The following TLE6 variants were observed in gnomAD, a reference collection of about 807,000 sequenced individuals.
TLE6 encodes transducin-like enhancer protein 6.
A neutral mutation model predicts 77.1 loss-of-function variants in TLE6; 72 were observed. That is an observed-to-expected ratio of 0.93 (90% CI 0.77 to 1.14). The LOEUF is 1.14. Among genes scored for constraint, TLE6 ranks in the 50% most tolerant of loss-of-function variants. TLE6 has a pLI of 0.00. For synonymous variants in TLE6, 366 were observed against 287.3 expected, an observed-to-expected ratio of 1.27 and a Z score of -2.77; for missense variants, 843 against 747.6, an observed-to-expected ratio of 1.13 and a Z score of -1.49.
intron 2 of TLE6, 50 bp from the exon 3 acceptor site, chr19:2,980,050 G>A: frequency 6.9e-7 from 1 of 1,457,288 alleles, no homozygotes; most frequent in Non-Finnish European, 9.4e-7. Flanking sequence ...CGGGGGTCTT[G>A]GGTGTTGGAG....
At chr19:2,992,278 G>A (rs1276198906) in intron 14 of TLE6, among the ~76,000 whole-genome samples, 1 of 152,026 alleles carries the variant, frequency 6.6e-6, no homozygotes, top group Non-Finnish European at 1.5e-5. Context: ...TTCAAGACGA[G>A]CCTGACCAAC....
Position 2,993,999 on chromosome 19 carries a change from T to C in TLE6, c.1538-20T>C, listed in dbSNP as rs375735431. ...AAAAGGTAGTGGTTCTAAGTCTCGC[T>C]GATGCTCCATTTCTCCCAGGCCAGT... is the stretch of plus-strand genomic sequence containing the variant. On this transcript the variant is annotated intron_variant, in intron 15 of 16. Transcript: ENST00000246112. 3.1e-6 allele frequency: 5 copies of C among 1,593,342 alleles called. No individual in the cohort carries two copies. The highest frequency in any genetic ancestry group is 4.3e-6 in the Non-Finnish European group (5 of 1,170,680).
chr19:2,995,115 C>A lies in TLE6; in HGVS notation c.*111C>A, dbSNP rs1025539018. The A allele has an allele frequency of 4.4e-6, 3 of 686,648 alleles. No individual in the cohort carries two copies. The African/African-American group carries it at 5.3e-5, about 12-fold the overall frequency. 42.5% of individuals were successfully genotyped at this position (686,648 alleles called of 1,614,324 possible). ...AAGCGGGAAGGCTCTTCTGTGGCAT[C>A]GCACGATCTAGTCTGTGGTGTAGAC... On this transcript the variant is annotated 3_prime_UTR_variant, in exon 17 of 17. Coordinates refer to ENST00000246112, the MANE Select transcript of TLE6 (RefSeq NM_001143986.2).
chr19:2,989,345 G>A, intron 12 of TLE6, 32 bp downstream of exon 12: 1 of 1,607,664 alleles, frequency 6.2e-7, no homozygotes, highest in Non-Finnish European at 8.5e-7. Context: ...AGGGATGCAG[G>A]GCTTCTGGGA....
At position 2,991,942 on chromosome 19, in the gene TLE6, G is replaced by C. The variant is rs1473868824; in HGVS notation, c.1344G>C (p.Gln448His). ...GPDACLRCWD[Q>H]RTIMKPLEYQ... ...ATGCCTGTCTGCGGTGCTGGGACCA[G>C]AGGACCATCATGAAACCTCTGGAGT... Residue 448 changes from glutamine to histidine, a missense_variant, in exon 14 of 17, where the codon CAG (glutamine) becomes CAC (histidine). By Grantham distance (24) the Gln-to-His change is conservative. Transcript: ENST00000246112. 3 of 1,613,996 alleles carry C rather than the reference G, an allele frequency of 1.9e-6. No individual in the cohort carries two copies. Among genetic ancestry groups the C allele is most frequent in the Non-Finnish European group, 2.5e-6 (3 of 1,180,002 alleles).
At chr19:2,987,414 C>T (rs554798149) in intron 8 of TLE6, 42 bp downstream of exon 8, 22 of 1,612,294 alleles carry the variant, frequency 1.4e-5, no homozygotes, top group East Asian at 2.2e-5. Flanking sequence ...GGTGGGCTTC[C>T]GGGCAGGCGG....
chr19:2,991,134 C>T (rs906993267), intron 13 of TLE6, among the ~76,000 whole-genome samples: 1 of 151,214 alleles, frequency 6.6e-6, no homozygotes. Context: ...GAAGCCGAGG[C>T]GGGCAGATCA....
At chr19:2,981,094 G>C (rs890831683) in intron 3 of TLE6, among the ~76,000 whole-genome samples, 1 of 149,954 alleles carries the variant, frequency 6.7e-6, no homozygotes, top group Non-Finnish European at 1.5e-5. Context: ...GGTGGCTCAA[G>C]CCTGTTGTAA....
chr19:2,982,990 G>C (rs1422789368), intron 5 of TLE6, among the ~76,000 whole-genome samples: 1 of 152,102 alleles, frequency 6.6e-6, no homozygotes, highest in Non-Finnish European at 1.5e-5. Flanking sequence ...TCCCAGCCCA[G>C]GGCGCCTGGC....
At chr19:2,979,997 C>G in intron 2 of TLE6, 103 bp from the exon 3 acceptor site, 1 of 619,352 alleles carries the variant, frequency 1.6e-6, no homozygotes, top group Non-Finnish European at 2.7e-6. Context: ...ACCACAATTA[C>G]TTTTGCACCA....
At chr19:2,982,624 A>G (rs1330348797) in intron 5 of TLE6, among the ~76,000 whole-genome samples, 1 of 151,508 alleles carries the variant, frequency 6.6e-6, no homozygotes, top group Non-Finnish European at 1.5e-5. Context: ...GGCCGTGGGA[A>G]GGACTTGGGC....
At chr19:2,987,481 C>G in intron 8 of TLE6, 109 bp downstream of exon 8, 1 of 1,515,290 alleles carries the variant, frequency 6.6e-7, no homozygotes, top group Non-Finnish European at 9.1e-7. Context: ...TTCCTTCCAT[C>G]CTGCCCCTCG....
intron 14 of TLE6, among the ~76,000 whole-genome samples, chr19:2,992,793 A>AACGGGC (rs1487334518): frequency 5.1e-5 from 1 of 19,760 alleles, no homozygotes; most frequent in Non-Finnish European, 8.1e-5. Context: ...AAAAAAAAAA[A>AACGGGC]GGGGGGGAGG....
intron 4 of TLE6, among the ~76,000 whole-genome samples, 165 bp from the exon 5 acceptor site, chr19:2,981,983 A>AG (rs1390577016): frequency 6.6e-6 from 1 of 152,136 alleles, no homozygotes; most frequent in Non-Finnish European, 1.5e-5. Flanking sequence ...AAAAAAAGGT[A>AG]GGGACCATAC....
At position 2,994,609 on chromosome 19, in the gene TLE6, AAAT is replaced by A. The variant is rs1005648451; in HGVS notation, c.1615-278_1615-276del. Reference sequence around the variant, plus strand: ...TGGGTGACAGAGACTCCATCTAAAAAAATAATAATAATAATTAAAAACACTTTT... The same window carrying A: ...TGGGTGACAGAGACTCCATCTAAAAAAATAATAATAATTAAAAACACTTTT... On this transcript the variant is annotated intron_variant, in intron 16 of 16. Transcript: ENST00000246112. Among the ~76,000 whole-genome samples the A allele has an allele frequency of 1.3e-4, 19 of 150,518 alleles. No individual in the cohort carries two copies. The South Asian group carries it at 1.7e-3, about 13-fold the overall frequency.
At chr19:2,979,903 G>A (rs578148819) in intron 2 of TLE6, among the ~76,000 whole-genome samples, 197 bp from the exon 3 acceptor site, 16 of 150,514 alleles carry the variant, frequency 1.1e-4, no homozygotes, top group Admixed American at 5.3e-4. Flanking sequence ...GGCAGAGTTT[G>A]CAGTGAGCTG....
At chr19:2,985,836 G>T (rs899705056) in intron 5 of TLE6, among the ~76,000 whole-genome samples, 21 of 151,104 alleles carry the variant, frequency 1.4e-4, no homozygotes, top group Middle Eastern at 3.4e-3. Flanking sequence ...AGCACTTTGG[G>T]AGGCCAAGGC....
At chr19:2,987,482 C>T (rs769420040) in intron 8 of TLE6, 110 bp downstream of exon 8, 2 of 1,511,616 alleles carry the variant, frequency 1.3e-6, no homozygotes, top group Non-Finnish European at 1.8e-6. Context: ...TCCTTCCATC[C>T]TGCCCCTCGG....
At chr19:2,990,632 TATAA>T (rs1261595578) in intron 13 of TLE6, among the ~76,000 whole-genome samples, 1 of 124,876 alleles carries the variant, frequency 8.0e-6, no homozygotes, top group Non-Finnish European at 1.6e-5. Flanking sequence ...TACACACATA[TATAA>T]ATAAATATAT....
Sources: gnomAD v4.1 joint callset for allele counts (sites outside exome capture counted in the v4.1 genomes callset) on GRCh38, gnomAD v4.1.1 for gene constraint, MANE v1.5 for transcripts, NCBI Gene and HGNC (gene_info 2026-07-23, HGNC 2026-07-21) for gene names.